Variants in IQCM observed in about 807,000 individuals in gnomAD.
IQCM encodes IQ domain-containing protein M.
IQCM carries 45 observed loss-of-function variants against 57.6 expected under a neutral mutation model. The observed-to-expected ratio is 0.78, with a 90% CI of 0.62 to 1.00. The LOEUF (loss-of-function observed/expected upper bound fraction) is 1.00, where lower values mean the gene tolerates loss of function less well. IQCM is among the 50% of genes least tolerant of loss of function. The pLI is 0.00. For missense variants in IQCM, 468 were observed against 511.6 expected, an observed-to-expected ratio of 0.91 and a Z score of 0.82; for synonymous variants, 148 against 158.9, an observed-to-expected ratio of 0.93 and a Z score of 0.51.
At chr4:149,417,340 T>C (rs1021809566) in intron 13 of IQCM, among the ~76,000 whole-genome samples, 3 of 152,120 alleles carry the variant, frequency 2.0e-5, no homozygotes, top group African/African-American at 7.2e-5. Flanking sequence ...TGGAGATCTA[T>C]CTGCATGTTC....
intron 8 of IQCM, among the ~76,000 whole-genome samples, chr4:149,588,767 T>C (rs1465412513): frequency 6.6e-6 from 1 of 151,910 alleles, no homozygotes; most frequent in Non-Finnish European, 1.5e-5. Flanking sequence ...AAAATAAATT[T>C]ATGTTGTTTA....
chr4:149,791,996 G>C (rs1772665966), intron 2 of IQCM, among the ~76,000 whole-genome samples: 2 of 152,162 alleles, frequency 1.3e-5, no homozygotes, highest in African/African-American at 4.8e-5. Context: ...AGGCTAACCA[G>C]AGACTAAACT....
chr4:149,686,988 T>C (rs1046088266), intron 5 of IQCM, among the ~76,000 whole-genome samples: 1 of 151,640 alleles, frequency 6.6e-6, no homozygotes, highest in Non-Finnish European at 1.5e-5. Context: ...TCTTCAAGTC[T>C]AAAGAGAAAT....
chr4:149,603,544 G>C (rs568399464), intron 8 of IQCM, among the ~76,000 whole-genome samples: 1 of 152,216 alleles, frequency 6.6e-6, no homozygotes, highest in African/African-American at 2.4e-5. Flanking sequence ...TTGGGTTTGT[G>C]TCCCTATGAT....
Position 149,417,352 on chromosome 4 carries a change from T to C in IQCM, c.1390+16044A>G, listed in dbSNP as rs116253493. On this transcript the variant is annotated intron_variant, in intron 13 of 13. Coordinates refer to ENST00000636793, the MANE Select transcript of IQCM (RefSeq NM_001363507.2). ...CCCTGGAGATCTATCTGCATGTTCA[T>C]CTCTTGCACATGGATTTTGATCCCC... Among the ~76,000 whole-genome samples the C allele has an allele frequency of 2.5e-3, 381 of 152,212 alleles. 1 individual carries two copies. The highest frequency in any genetic ancestry group is 8.6e-3 in the African/African-American group (359 of 41,538).
At chr4:149,488,066 T>C (rs1046643449) in intron 12 of IQCM, among the ~76,000 whole-genome samples, 1 of 152,122 alleles carries the variant, frequency 6.6e-6, no homozygotes, top group African/African-American at 2.4e-5. Flanking sequence ...TTTTTAAAGA[T>C]ATTTAGATAG....
At chr4:149,569,620 A>G (rs1023289596) in intron 9 of IQCM, among the ~76,000 whole-genome samples, 1 of 152,176 alleles carries the variant, frequency 6.6e-6, no homozygotes, top group Non-Finnish European at 1.5e-5. Flanking sequence ...TTTGAAAGAA[A>G]CATCAAAAGA....
chr4:149,399,678 T>C (rs1259352022), intron 13 of IQCM, among the ~76,000 whole-genome samples: 1 of 152,130 alleles, frequency 6.6e-6, no homozygotes, highest in Non-Finnish European at 1.5e-5. Context: ...TCAGATTGTA[T>C]GGGCCTGAAT....
In IQCM at chr4:149,549,237, C is replaced by T. The variant is rs140231821; in HGVS notation, c.1094-648G>A. ...GATAATGAGCAAGAAAATTGATGGC[C>T]GGGCGCGGTGGCTCACGCCTGTAAT... is the stretch of plus-strand genomic sequence containing the variant. On this transcript the variant is annotated intron_variant, in intron 11 of 13. Transcript: ENST00000636793. Among the ~76,000 whole-genome samples, 87 of 152,250 alleles carry T rather than the reference C, an allele frequency of 5.7e-4. No individual in the cohort carries two copies. In the East Asian group the frequency reaches 0.011, roughly 19 times the overall value.
rs887682891 is a variant in IQCM, at chr4:149,526,307, A to G, written c.1228+22148T>C. 2.0e-5 allele frequency among the ~76,000 whole-genome samples: 3 copies of G among 151,998 alleles called. No individual in the cohort carries two copies. In the East Asian group the frequency reaches 5.8e-4, roughly 29 times the overall value. ...GAATGGGGTATATTTATATCATGGAACATTATGAAGACATTGAAACGGGTT... is the reference window on the plus strand; with the variant it reads ...GAATGGGGTATATTTATATCATGGAGCATTATGAAGACATTGAAACGGGTT... On this transcript the variant is annotated intron_variant, in intron 12 of 13. Transcript: ENST00000636793.
At chr4:149,442,901 A>G (rs1736088964) in intron 12 of IQCM, among the ~76,000 whole-genome samples, 1 of 150,316 alleles carries the variant, frequency 6.7e-6, no homozygotes, top group Non-Finnish European at 1.5e-5. Context: ...GATATAGAGG[A>G]AGAACTAGCA....
intron 13 of IQCM, among the ~76,000 whole-genome samples, chr4:149,371,486 C>T (rs1403572686): frequency 1.3e-5 from 2 of 152,110 alleles, no homozygotes; most frequent in African/African-American, 2.4e-5. Flanking sequence ...GCACAACTGC[C>T]GTGTTTCTGT....
At chr4:149,355,988 T>C (rs1055293808) in intron 13 of IQCM, among the ~76,000 whole-genome samples, 7 of 152,262 alleles carry the variant, frequency 4.6e-5, no homozygotes, top group Non-Finnish European at 8.8e-5. Flanking sequence ...ATTTCTCTGA[T>C]GGCCAGTGAT....
intron 5 of IQCM, among the ~76,000 whole-genome samples, chr4:149,692,648 A>C (rs560681519): frequency 8.5e-5 from 13 of 152,300 alleles, no homozygotes; most frequent in African/African-American, 2.9e-4. Flanking sequence ...TATAGAGTTA[A>C]AGGAGATCTC....
chr4:149,724,742 G>T (rs1295366082), intron 5 of IQCM, among the ~76,000 whole-genome samples: 1 of 151,862 alleles, frequency 6.6e-6, no homozygotes, highest in African/African-American at 2.4e-5. Context: ...ACTCAAAATA[G>T]ACGTAAATAT....
chr4:149,389,862 T>C (rs939580476), intron 13 of IQCM, among the ~76,000 whole-genome samples: 14 of 151,738 alleles, frequency 9.2e-5, no homozygotes, highest in African/African-American at 2.4e-4. Context: ...ATAATAATAA[T>C]AAATGAAAAA....
chr4:149,529,962 C>T (rs1746566708), intron 12 of IQCM, among the ~76,000 whole-genome samples: 1 of 152,124 alleles, frequency 6.6e-6, no homozygotes, highest in African/African-American at 2.4e-5. Flanking sequence ...TTCCTTTCAC[C>T]ACCTGCCTTG....
intron 12 of IQCM, among the ~76,000 whole-genome samples, chr4:149,439,118 T>G (rs1057391025): frequency 6.6e-6 from 1 of 152,100 alleles, no homozygotes; most frequent in African/African-American, 2.4e-5. Context: ...GTTAAATGTA[T>G]GAAAATTGTG....
chr4:149,513,798 G>A (rs1417628494), intron 12 of IQCM, among the ~76,000 whole-genome samples: 2 of 152,090 alleles, frequency 1.3e-5, no homozygotes, highest in Admixed American at 6.5e-5. Flanking sequence ...GGGAACATTG[G>A]TTGTTGAAAA....
Sources: gnomAD v4.1 joint callset for allele counts (sites outside exome capture counted in the v4.1 genomes callset) on GRCh38, gnomAD v4.1.1 for gene constraint, MANE v1.5 for transcripts, NCBI Gene and HGNC (gene_info 2026-07-23, HGNC 2026-07-21) for gene names.